OXCT1: variants seen among roughly 807,000 people sequenced by gnomAD.
OXCT1 encodes the protein 3-oxoacid CoA-transferase 1.
Under a neutral mutation model 69.6 loss-of-function variants are expected in OXCT1, and 27 were observed. That is an observed-to-expected ratio of 0.39 (90% CI 0.29 to 0.54). The LOEUF is 0.54. Ranked by LOEUF, OXCT1 falls within the 20% of genes least tolerant of loss-of-function variation. The probability of loss-of-function intolerance (pLI) is 0.72; values close to 1 mark genes in which losing one functional copy is unlikely to be tolerated. For synonymous variants in OXCT1, 202 were observed against 217.8 expected, an observed-to-expected ratio of 0.93 and a Z score of 0.64; for missense variants, 437 against 650.2, an observed-to-expected ratio of 0.67 and a Z score of 3.57.
At chr5:41,765,121 C>T (rs1315863510) in intron 13 of OXCT1, among the ~76,000 whole-genome samples, 4 of 152,058 alleles carry the variant, frequency 2.6e-5, no homozygotes, top group African/African-American at 9.7e-5. Context: ...CTGACATAAG[C>T]GGGAAATGCA....
intron 7 of OXCT1, among the ~76,000 whole-genome samples, chr5:41,836,348 A>G (rs967213569): frequency 2.0e-5 from 3 of 152,238 alleles, no homozygotes; most frequent in African/African-American, 7.2e-5. Flanking sequence ...GGGTAGGAAG[A>G]TACAGCCAGC....
intron 13 of OXCT1, among the ~76,000 whole-genome samples, chr5:41,780,402 A>C (rs1745337743): frequency 1.3e-5 from 2 of 152,226 alleles, no homozygotes; most frequent in Non-Finnish European, 2.9e-5. Context: ...AAAAACTATA[A>C]GCAAAGGAGT....
chr5:41,790,576 T>G (rs1745868747), intron 13 of OXCT1, among the ~76,000 whole-genome samples: 1 of 152,214 alleles, frequency 6.6e-6, no homozygotes. Flanking sequence ...AATCTGATGC[T>G]ATAATGATTG....
intron 5 of OXCT1, among the ~76,000 whole-genome samples, chr5:41,846,110 A>C (rs1398692235): frequency 6.6e-6 from 1 of 150,952 alleles, no homozygotes; most frequent in South Asian, 2.1e-4. Context: ...TTATTTATTT[A>C]TGTATGTATG....
chr5:41,754,157 G>GCTTCTTTTAATTTAATATT (rs11269754), intron 14 of OXCT1, among the ~76,000 whole-genome samples: 35,606 of 151,584 alleles, frequency 0.23, 4,392 homozygotes, highest in Middle Eastern at 0.34. Context: ...GACTACAAGG[G>GCTTCTTTTAATTTAATATT]CTTCTTTTAA....
chr5:41,765,371 G>A (rs753990112), intron 13 of OXCT1, among the ~76,000 whole-genome samples: 1 of 152,158 alleles, frequency 6.6e-6, no homozygotes, highest in African/African-American at 2.4e-5. Context: ...AGATGGCTGA[G>A]TTTCCTTCAG....
intron 7 of OXCT1, among the ~76,000 whole-genome samples, chr5:41,812,687 GA>G (rs931593119): frequency 6.6e-6 from 1 of 151,770 alleles, no homozygotes; most frequent in Non-Finnish European, 1.5e-5. Flanking sequence ...CAGAAGACAG[GA>G]AAAAACAGAG....
intron 7 of OXCT1, among the ~76,000 whole-genome samples, chr5:41,816,666 C>T (rs1439948465): frequency 2.0e-5 from 3 of 152,108 alleles, no homozygotes; most frequent in Non-Finnish European, 4.4e-5. Context: ...CAACTTCTGC[C>T]TTTTTTTCCT....
rs538273554 is a variant in OXCT1, at chr5:41,803,555, G to T, written c.956-392C>A. ...AAAACTCCTGCCAAAAGTAAAGATC[G>T]TTTTTCATCGTCTTTATTGATAAAT... On this transcript the variant is annotated intron_variant, in intron 9 of 16. Coordinates refer to ENST00000196371, the MANE Select transcript of OXCT1 (RefSeq NM_000436.4). Among the ~76,000 whole-genome samples the T allele has an allele frequency of 3.9e-5, 6 of 152,066 alleles. No homozygotes were observed. In the South Asian group the frequency reaches 1.2e-3, roughly 32 times the overall value.
chr5:41,778,006 T>A (rs562822916), intron 13 of OXCT1, among the ~76,000 whole-genome samples: 38 of 152,320 alleles, frequency 2.5e-4, no homozygotes, highest in Non-Finnish European at 5.0e-4. Context: ...ACAATCATAA[T>A]CCAGAAATAT....
chr5:41,773,080 C>T (rs1003259536), intron 13 of OXCT1, among the ~76,000 whole-genome samples: 18 of 152,058 alleles, frequency 1.2e-4, no homozygotes, highest in Non-Finnish European at 2.2e-4. Flanking sequence ...GTTAAAAGAA[C>T]GACTTTGGGC....
chr5:41,762,284 C>G lies in OXCT1; in HGVS notation c.1249-84G>C. ...AAAATTAACTTGCAAAAATAAGCTA[C>G]TAGAATCATTAAAAACTCATTGTCC... On this transcript the variant is annotated intron_variant, in intron 13 of 16. Coordinates refer to ENST00000196371, the MANE Select transcript of OXCT1 (RefSeq NM_000436.4). This position sits in a 1 kb window ranked among gnomAD's most constrained non-coding sequence, Gnocchi z 4.0. The G allele has an allele frequency of 9.5e-7, 1 of 1,056,036 alleles. No individual in the cohort carries two copies. The highest frequency in any genetic ancestry group is 1.5e-6 in the Non-Finnish European group (1 of 670,882). The allele number at this position is 1,056,036 out of a possible 1,614,324, so 65.4% of individuals were successfully genotyped here. A position where few individuals can be genotyped will look rare whatever the true frequency, so the allele number is the denominator to read the frequency against.
chr5:41,839,481 C>T (rs535151171), intron 7 of OXCT1, among the ~76,000 whole-genome samples: 1 of 152,186 alleles, frequency 6.6e-6, no homozygotes, highest in Non-Finnish European at 1.5e-5. Context: ...GCCACACTAT[C>T]CATTTTAAAT....
intron 13 of OXCT1, among the ~76,000 whole-genome samples, chr5:41,783,637 T>G (rs1174039236): frequency 6.6e-6 from 1 of 152,220 alleles, no homozygotes; most frequent in East Asian, 1.9e-4. Flanking sequence ...GATTCAAAGA[T>G]GACCAAAATC....
chr5:41,862,767 A>G lies in OXCT1; in HGVS notation c.79-17T>C, dbSNP rs1284831245. On this transcript the variant is annotated splice_polypyrimidine_tract_variant and intron_variant, in intron 1 of 16. Coordinates refer to ENST00000196371, the MANE Select transcript of OXCT1 (RefSeq NM_000436.4). ...AACACATCCCTGAAATATTAAAAAA[A>G]AAAAATTGATAATCATTTGGAGATA... The G allele has an allele frequency of 2.7e-6, 4 of 1,479,842 alleles. No homozygotes were observed. The East Asian group carries it at 9.1e-5, about 33-fold the overall frequency. The allele number at this position is 1,479,842 out of a possible 1,614,324, so 91.7% of individuals were successfully genotyped here. A position where few individuals can be genotyped will look rare whatever the true frequency, so the allele number is the denominator to read the frequency against.
chr5:41,768,006 A>T (rs1744700114), intron 13 of OXCT1, among the ~76,000 whole-genome samples: 1 of 151,926 alleles, frequency 6.6e-6, no homozygotes, highest in South Asian at 2.1e-4. Context: ...CATCATATGA[A>T]CTGCCCCTGT....
chr5:41,776,239 GA>G (rs1745115079), intron 13 of OXCT1, among the ~76,000 whole-genome samples: 1 of 151,838 alleles, frequency 6.6e-6, no homozygotes, highest in South Asian at 2.1e-4. Flanking sequence ...ACAAAGTTAC[GA>G]AAAACAAGGA....
At chr5:41,854,276 T>C (rs566053760) in intron 3 of OXCT1, among the ~76,000 whole-genome samples, 30 of 152,330 alleles carry the variant, frequency 2.0e-4, no homozygotes, top group African/African-American at 7.2e-4. Flanking sequence ...ATCTTTATTA[T>C]TTTAAAGCTG....
chr5:41,771,411 G>C (rs1376196254), intron 13 of OXCT1, among the ~76,000 whole-genome samples: 7 of 152,020 alleles, frequency 4.6e-5, no homozygotes, highest in African/African-American at 1.4e-4. Flanking sequence ...GTGTGACAAA[G>C]TTTTTTTTGT....
Sources: allele counts gnomAD v4.1 joint callset (sites outside exome capture counted in the v4.1 genomes callset), GRCh38; gene constraint gnomAD v4.1.1; non-coding constraint Gnocchi (gnomAD v3.1); transcripts MANE v1.5; gene names NCBI Gene and HGNC (gene_info 2026-07-23, HGNC 2026-07-21).